Variants in CACNA2D3 observed in about 807,000 individuals in gnomAD.
The protein encoded by CACNA2D3 is voltage-dependent calcium channel subunit alpha-2/delta-3.
In CACNA2D3, 60 loss-of-function variants were observed where a neutral mutation model predicts 160.6. That is an observed-to-expected ratio of 0.37 (90% CI 0.30 to 0.46). The LOEUF (loss-of-function observed/expected upper bound fraction) is 0.46. Ranked by LOEUF, CACNA2D3 falls within the 20% of genes least tolerant of loss-of-function variation. The pLI is 1.00. For missense variants in CACNA2D3, 1,205 were observed against 1,365.0 expected, an observed-to-expected ratio of 0.88 and a Z score of 1.85; for synonymous variants, 558 against 492.9, an observed-to-expected ratio of 1.13 and a Z score of -1.75.
intron 13 of CACNA2D3, among the ~76,000 whole-genome samples, chr3:54,769,600 G>A (rs912059421): frequency 6.6e-6 from 1 of 152,062 alleles, no homozygotes; most frequent in Admixed American, 6.5e-5. Context: ...GCCTTCCAGG[G>A]TTCACTCTAA....
chr3:54,987,813 A>G (rs994182506), intron 31 of CACNA2D3, 60 bp downstream of exon 31: 3 of 1,295,168 alleles, frequency 2.3e-6, no homozygotes, highest in Non-Finnish European at 3.2e-6. Context: ...AAATAAAACA[A>G]GCCAAGGTCA....
intron 13 of CACNA2D3, among the ~76,000 whole-genome samples, chr3:54,765,764 G>C (rs115956204): frequency 1.6e-3 from 242 of 152,238 alleles, no homozygotes; most frequent in African/African-American, 5.6e-3. Flanking sequence ...CATTATGGTA[G>C]TAGCACCTGG....
intron 27 of CACNA2D3, chr3:54,918,998 T>A (rs1180143331): frequency 8.6e-6 from 5 of 583,274 alleles, no homozygotes; most frequent in Non-Finnish European, 6.6e-6. Flanking sequence ...GAAGTACCTT[T>A]TTTTTTTTTA....
chr3:54,881,682 C>G (rs562110402), intron 21 of CACNA2D3, among the ~76,000 whole-genome samples: 2 of 152,262 alleles, frequency 1.3e-5, no homozygotes, highest in African/African-American at 4.8e-5. Context: ...TGCATGTCCA[C>G]AGAGGAGGAG....
At chr3:54,922,574 C>G (rs897376248) in intron 27 of CACNA2D3, among the ~76,000 whole-genome samples, 1 of 152,064 alleles carries the variant, frequency 6.6e-6, no homozygotes, top group Non-Finnish European at 1.5e-5. Flanking sequence ...AGGATTTATT[C>G]AATATCGTAC....
intron 11 of CACNA2D3, among the ~76,000 whole-genome samples, chr3:54,697,003 G>T (rs897738499): frequency 1.3e-5 from 2 of 152,068 alleles, no homozygotes; most frequent in Admixed American, 1.3e-4. Flanking sequence ...TTGGCCAGAC[G>T]CTGTGACTCA....
intron 3 of CACNA2D3, among the ~76,000 whole-genome samples, chr3:54,337,355 G>C (rs11707772): frequency 6.6e-6 from 1 of 152,164 alleles, no homozygotes; most frequent in African/African-American, 2.4e-5. Flanking sequence ...CAGGTCCAGC[G>C]TCCCAGAGGG....
chr3:54,530,354 C>T (rs1396265539), intron 5 of CACNA2D3, among the ~76,000 whole-genome samples: 1 of 152,070 alleles, frequency 6.6e-6, no homozygotes, highest in Admixed American at 6.5e-5. Context: ...ATTTGATGAG[C>T]CCCGTGGAGC....
At chr3:55,007,047 G>C (rs1209582297) in intron 32 of CACNA2D3, among the ~76,000 whole-genome samples, 1 of 152,228 alleles carries the variant, frequency 6.6e-6, no homozygotes, top group Non-Finnish European at 1.5e-5. Context: ...GCATAGCTAG[G>C]TACAAAGAAC....
At chr3:54,669,917 G>A (rs1464181766) in intron 11 of CACNA2D3, among the ~76,000 whole-genome samples, 1 of 152,008 alleles carries the variant, frequency 6.6e-6, no homozygotes, top group Admixed American at 6.6e-5. Context: ...CCAAAGTGCT[G>A]GGATGACAGG....
chr3:54,379,276 T>C (rs1272011316), intron 3 of CACNA2D3, among the ~76,000 whole-genome samples: 1 of 152,232 alleles, frequency 6.6e-6, no homozygotes, highest in Non-Finnish European at 1.5e-5. Context: ...TTATACGAAA[T>C]GTTCATTCAT....
intron 13 of CACNA2D3, among the ~76,000 whole-genome samples, chr3:54,797,882 T>C (rs1156831334): frequency 6.6e-6 from 1 of 152,230 alleles, no homozygotes; most frequent in Admixed American, 6.5e-5. Flanking sequence ...TAAAGCTCCA[T>C]TATTGTTAAG....
At chr3:55,027,798 T>C (rs1010190926) in intron 35 of CACNA2D3, among the ~76,000 whole-genome samples, 1 of 152,164 alleles carries the variant, frequency 6.6e-6, no homozygotes, top group Admixed American at 6.5e-5. Flanking sequence ...CAATGGAACA[T>C]ACAGAACCGT....
rs146874479 is a variant in CACNA2D3 at position 54,630,357 on chromosome 3, C to T, written c.1053+2481C>T. ...CCTTTCCCTGGTACCCTTTCTCTGT[C>T]CATCCCTTCCATCTGTCACCTTTGT... On this transcript the variant is annotated intron_variant, in intron 10 of 37. Transcript: ENST00000474759. 3.7e-4 allele frequency among the ~76,000 whole-genome samples: 56 copies of T among 152,264 alleles called. No homozygotes were observed. The East Asian group carries it at 8.9e-3, about 24-fold the overall frequency.
intron 4 of CACNA2D3, among the ~76,000 whole-genome samples, chr3:54,488,758 G>C (rs1045767107): frequency 1.3e-5 from 2 of 152,170 alleles, no homozygotes; most frequent in African/African-American, 4.8e-5. Flanking sequence ...AAACAGCTAT[G>C]CTTCCTCCAA....
chr3:55,061,600 C>T (rs1319244758), intron 35 of CACNA2D3, among the ~76,000 whole-genome samples: 1 of 152,190 alleles, frequency 6.6e-6, no homozygotes, highest in East Asian at 1.9e-4. Flanking sequence ...AGGTTAAGAC[C>T]AAGATCCAGG....
intron 27 of CACNA2D3, chr3:54,925,197 G>C: frequency 2.5e-6 from 4 of 1,612,082 alleles, no homozygotes; most frequent in Non-Finnish European, 3.4e-6. Context: ...AATCACACTG[G>C]AAAACAGGAG....
intron 8 of CACNA2D3, among the ~76,000 whole-genome samples, chr3:54,572,707 C>T (rs1277989071): frequency 1.3e-5 from 2 of 152,224 alleles, no homozygotes; most frequent in African/African-American, 4.8e-5. Context: ...TGCCAAGTTA[C>T]TCTAGTTGCC....
At chr3:54,751,393 A>G (rs1386782197) in intron 11 of CACNA2D3, among the ~76,000 whole-genome samples, 2 of 152,244 alleles carry the variant, frequency 1.3e-5, no homozygotes, top group Non-Finnish European at 1.5e-5. Flanking sequence ...TATAATGCCC[A>G]GATTAGAGGA....
Sources: allele counts gnomAD v4.1 joint callset (sites outside exome capture counted in the v4.1 genomes callset), GRCh38; gene constraint gnomAD v4.1.1; transcripts MANE v1.5; gene names NCBI Gene and HGNC (gene_info 2026-07-23, HGNC 2026-07-21).